Variants in ATP6V0A2 observed in about 807,000 individuals in gnomAD.
The protein encoded by ATP6V0A2 is ATPase H+ transporting V0 subunit a2.
A neutral mutation model predicts 104.4 loss-of-function variants in ATP6V0A2; 58 were observed. That is an observed-to-expected ratio of 0.56 (90% CI 0.45 to 0.69). The LOEUF (loss-of-function observed/expected upper bound fraction) is 0.69, where lower values mean the gene tolerates loss of function less well. ATP6V0A2 is among the 30% of genes least tolerant of loss of function. The pLI, the probability that ATP6V0A2 is intolerant of heterozygous loss-of-function variation, is 0.00. For missense variants in ATP6V0A2, 938 were observed against 1,062.9 expected (o/e 0.88, Z 1.63); for synonymous variants, 376 against 397.9 (o/e 0.95, Z 0.65).
chr12:123,735,666 G>C, intron 8 of ATP6V0A2, 42 bp downstream of exon 8: 1 of 1,456,940 alleles, frequency 6.9e-7, no homozygotes, highest in Middle Eastern at 1.8e-4. Context: ...TCTGAGGGCT[G>C]CCAAACATTT....
In ATP6V0A2 at chr12:123,735,182, G is replaced by T. The variant is rs1178219414; in HGVS notation, c.732-349G>T. 2.0e-5 allele frequency among the ~76,000 whole-genome samples: 3 copies of T among 149,996 alleles called. No homozygotes were observed. The East Asian group carries it at 5.8e-4, about 29-fold the overall frequency. ...GTGTGTGTGTCTGTGTGTGTCTGTT[G>T]TGTGTCTGTGTGTGTCTTTGTGTTT... On this transcript the variant is annotated intron_variant, in intron 7 of 19. Transcript: ENST00000330342.
At chr12:123,717,452 T>C in intron 1 of ATP6V0A2, among the ~76,000 whole-genome samples, 1 of 151,058 alleles carries the variant, frequency 6.6e-6, no homozygotes, top group Non-Finnish European at 1.5e-5. Flanking sequence ...CTTTCTTTTT[T>C]TTTTTTTTTT....
chr12:123,757,885 T>C, intron 19 of ATP6V0A2, 42 bp from the exon 20 acceptor site: 1 of 1,247,198 alleles, frequency 8.0e-7, no homozygotes, highest in Non-Finnish European at 1.1e-6. Flanking sequence ...AGGAATGTGA[T>C]TTCATAATCT....
At chr12:123,740,970 A>G (rs1956603790) in intron 9 of ATP6V0A2, among the ~76,000 whole-genome samples, 1 of 150,894 alleles carries the variant, frequency 6.6e-6, no homozygotes, top group South Asian at 2.1e-4. Flanking sequence ...TAATTCTTTT[A>G]ACTCCTTTTG....
chr12:123,720,598 G>A (rs1482045963), intron 2 of ATP6V0A2, among the ~76,000 whole-genome samples: 2 of 152,322 alleles, frequency 1.3e-5, no homozygotes, highest in African/African-American at 2.4e-5. Flanking sequence ...GGAGGCTGAG[G>A]TGGGAGAATT....
intron 18 of ATP6V0A2, 41 bp downstream of exon 18, chr12:123,754,578 G>T (rs375884081): frequency 6.4e-6 from 9 of 1,409,870 alleles, no homozygotes; most frequent in Non-Finnish European, 9.1e-6. Context: ...ATGCCCTGTA[G>T]TGCCAGCAGA....
intron 6 of ATP6V0A2, chr12:123,732,471 C>T (rs1327252261): frequency 6.6e-6 from 1 of 152,540 alleles, no homozygotes; most frequent in Non-Finnish European, 1.5e-5. Context: ...TGGAGCCGCA[C>T]AATGGGCCTG....
At chr12:123,741,251 C>T (rs115756304) in intron 9 of ATP6V0A2, among the ~76,000 whole-genome samples, 1,842 of 151,968 alleles carry the variant, frequency 0.012, 30 homozygotes, top group African/African-American at 0.041. Context: ...GCCAACATGG[C>T]GAGACCCTGT....
At chr12:123,730,175 C>T (rs900492231) in intron 6 of ATP6V0A2, among the ~76,000 whole-genome samples, 12 of 151,840 alleles carry the variant, frequency 7.9e-5, no homozygotes, top group Non-Finnish European at 1.2e-4. Context: ...CTGCCTCAGC[C>T]TCTCAAGTAG....
At chr12:123,747,763 C>A in intron 14 of ATP6V0A2, 38 bp downstream of exon 14, 3 of 1,369,414 alleles carry the variant, frequency 2.2e-6, no homozygotes, top group South Asian at 2.3e-5. Context: ...ATTTATAAAC[C>A]AAACTTGGCA....
chr12:123,720,412 C>G (rs959618668), intron 2 of ATP6V0A2, among the ~76,000 whole-genome samples: 1 of 152,158 alleles, frequency 6.6e-6, no homozygotes, highest in African/African-American at 2.4e-5. Flanking sequence ...CAAAAGAATG[C>G]AGGGCTGGGC....
chr12:123,747,183 C>T (rs927796364), intron 13 of ATP6V0A2, among the ~76,000 whole-genome samples: 1 of 152,160 alleles, frequency 6.6e-6, no homozygotes, highest in Non-Finnish European at 1.5e-5. Context: ...ACAAAATAGA[C>T]ATACAGGAGC....
chr12:123,758,280 G>A lies in ATP6V0A2; in HGVS notation c.*248G>A. On this transcript the variant is annotated 3_prime_UTR_variant, in exon 20 of 20. Transcript: ENST00000330342. ...AATATAAGTTAATGCCAAACGTTAT[G>A]TTAAAGTTATTTTTTCAAATACAGG... is the stretch of plus-strand genomic sequence containing the variant. 1 of 348,054 alleles carries A rather than the reference G, an allele frequency of 2.9e-6. No individual in the cohort carries two copies. Among genetic ancestry groups the A allele is most frequent in the Non-Finnish European group, 5.2e-6 (1 of 193,032 alleles). 21.6% of individuals were successfully genotyped at this position (348,054 alleles called of 1,614,324 possible).
In ATP6V0A2 at chr12:123,754,445, CCCAAGTAAT is replaced by C; in HGVS notation, c.2205_2213del (p.Gln735_Ile737del). The stretch of plus-strand genomic sequence containing the variant: ...TTTAATTTTGGAGAAATATTAATGA[CCCAAGTAAT>C]CCATTCCATCGAGTACTGTCTGGGA... On this transcript the variant is annotated inframe_deletion, in exon 18 of 20. Transcript: ENST00000330342. The C allele has an allele frequency of 6.2e-7, 1 of 1,613,306 alleles. No homozygotes were observed. Among genetic ancestry groups the C allele is most frequent in the East Asian group, 2.2e-5 (1 of 44,880 alleles).
At chr12:123,729,106 C>T (rs1014789901) in intron 6 of ATP6V0A2, among the ~76,000 whole-genome samples, 2 of 152,070 alleles carry the variant, frequency 1.3e-5, no homozygotes, top group Admixed American at 1.3e-4. Context: ...CATTTATTTC[C>T]TATTTTATTT....
intron 1 of ATP6V0A2, among the ~76,000 whole-genome samples, chr12:123,714,785 A>T (rs1379731546): frequency 6.6e-6 from 1 of 152,210 alleles, no homozygotes; most frequent in Non-Finnish European, 1.5e-5. Context: ...CACAATAGAA[A>T]AAAAAAGTTA....
At chr12:123,743,251 A>C (rs1956626094) in intron 9 of ATP6V0A2, among the ~76,000 whole-genome samples, 1 of 151,764 alleles carries the variant, frequency 6.6e-6, no homozygotes, top group African/African-American at 2.4e-5. Flanking sequence ...CGCCCTTGCC[A>C]CCCCCTGATT....
intron 2 of ATP6V0A2, chr12:123,721,435 G>A (rs1956398554): frequency 1.3e-5 from 2 of 154,086 alleles, no homozygotes; most frequent in Admixed American, 6.5e-5. Flanking sequence ...CTTCACAAAA[G>A]ACTTGACCTT....
intron 3 of ATP6V0A2, among the ~76,000 whole-genome samples, chr12:123,722,836 C>T (rs951870158): frequency 2.0e-5 from 3 of 151,956 alleles, no homozygotes; most frequent in Non-Finnish European, 4.4e-5. Flanking sequence ...ATTGAGGCTT[C>T]GGTGTTGTGC....
Sources: gnomAD v4.1 joint callset for allele counts (sites outside exome capture counted in the v4.1 genomes callset) on GRCh38, gnomAD v4.1.1 for gene constraint, MANE v1.5 for transcripts, NCBI Gene and HGNC (gene_info 2026-07-23, HGNC 2026-07-21) for gene names.